Variants in ENO4 observed in about 807,000 individuals in gnomAD.
The protein encoded by ENO4 is 2-phospho-D-glycerate hydro-lyase.
ENO4 carries 53 observed loss-of-function variants against 63.2 expected under a neutral mutation model. That is an observed-to-expected ratio of 0.84 (90% CI 0.67 to 1.05). The LOEUF (loss-of-function observed/expected upper bound fraction) is 1.05, where lower values mean the gene tolerates loss of function less well. Among genes scored for constraint, ENO4 ranks in the 50% least tolerant of loss-of-function variants. The pLI, the probability that ENO4 is intolerant of heterozygous loss-of-function variation, is 0.00. For synonymous variants in ENO4, 266 were observed against 283.8 expected, an observed-to-expected ratio of 0.94 and a Z score of 0.63; for missense variants, 719 against 772.0, an observed-to-expected ratio of 0.93 and a Z score of 0.81.
At chr10:116,886,131 G>T, downstream of ENO4, 1 of 626,558 alleles carries the variant, frequency 1.6e-6, no homozygotes. Context: ...TCTTTATAAA[G>T]ATCAAAAAAC....
chr10:116,875,561 T>TCACACACA (rs56000218), intron 10 of ENO4, among the ~76,000 whole-genome samples: 3,671 of 147,916 alleles, frequency 0.025, 127 homozygotes, highest in African/African-American at 0.077. Flanking sequence ...TCCAGGCTGG[T>TCACACACA]CACACACACA....
intron 8 of ENO4, among the ~76,000 whole-genome samples, chr10:116,870,373 T>C (rs1436503025): frequency 6.6e-6 from 1 of 152,198 alleles, no homozygotes; most frequent in African/African-American, 2.4e-5. Context: ...GTGGAAGTCT[T>C]CAATCCTTTT....
At chr10:116,854,965 AAAAG>A (rs1350801673) in intron 1 of ENO4, among the ~76,000 whole-genome samples, 8 of 148,656 alleles carry the variant, frequency 5.4e-5, no homozygotes, top group East Asian at 3.9e-4. Flanking sequence ...AAAAAAAAAA[AAAAG>A]AAAGAAAGAA....
intron 8 of ENO4, among the ~76,000 whole-genome samples, 166 bp downstream of exon 8, chr10:116,868,872 G>T (rs1030189915): frequency 7.2e-5 from 11 of 152,204 alleles, no homozygotes; most frequent in African/African-American, 2.6e-4. Context: ...GTATCATGCT[G>T]CCCCTGCCTT....
Position 116,860,901 on chromosome 10 carries a change from G to A in ENO4, c.742G>A (p.Ala248Thr). ...IGAVSLAVAK[A>T]CAMLLNKPLY... ...GGCCGTGTCACTAGCTGTTGCCAAA[G>A]CCTGTGCCATGCTGCTTAATAAACC... is the stretch of plus-strand genomic sequence containing the variant. The change falls in exon 5 of 14, where the codon GCC (alanine) becomes ACC (threonine). Residue 248 changes from alanine to threonine, a missense_variant. Ala to Thr is a moderately conservative substitution (Grantham distance 58). Around this residue, in one of 3 missense-constraint regions of ENO4, gnomAD observed 544 missense variants for 583.6 expected, o/e 0.93. Coordinates refer to ENST00000341276, the MANE Select transcript of ENO4 (RefSeq NM_001242699.2). 6.5e-7 allele frequency: 1 copy of A among 1,549,854 alleles called. No homozygotes were observed. Among genetic ancestry groups the A allele is most frequent in the East Asian group, 2.4e-5 (1 of 40,902 alleles).
At chr10:116,870,696 C>T (rs560447674) in intron 8 of ENO4, among the ~76,000 whole-genome samples, 3 of 152,036 alleles carry the variant, frequency 2.0e-5, no homozygotes, top group Non-Finnish European at 4.4e-5. Context: ...TTAATGGCTG[C>T]GTTTATCTAG....
At chr10:116,909,728 C>A (rs1034428479) in intron 10 of ENO4, among the ~76,000 whole-genome samples, 2 of 152,104 alleles carry the variant, frequency 1.3e-5, no homozygotes, top group Non-Finnish European at 2.9e-5. Flanking sequence ...TCCCCCAAAC[C>A]AGAGACTTGT....
intron 10 of ENO4, among the ~76,000 whole-genome samples, chr10:116,897,527 G>A (rs950306815): frequency 1.3e-5 from 2 of 152,170 alleles, no homozygotes; most frequent in African/African-American, 4.8e-5. Flanking sequence ...ACTTGTCCAA[G>A]TCATCTGGCC....
intron 13 of ENO4, 84 bp from the exon 14 acceptor site, chr10:116,881,431 G>A (rs1847006240): frequency 1.8e-6 from 2 of 1,092,426 alleles, no homozygotes; most frequent in African/African-American, 1.6e-5. Context: ...GACTAGTACT[G>A]AAGATGATCT....
Position 116,849,501 on chromosome 10 carries a change from C to A in ENO4, c.-66C>A. On this transcript the variant is annotated 5_prime_UTR_variant, in exon 1 of 14. Coordinates refer to ENST00000341276, the MANE Select transcript of ENO4 (RefSeq NM_001242699.2). ...GGGGGTCGGGATCACGTTGCGTTGCCTAGCGACAGCAGGGACGCTCGTGGG... is the reference window on the plus strand; with the variant it reads ...GGGGGTCGGGATCACGTTGCGTTGCATAGCGACAGCAGGGACGCTCGTGGG... The A allele has an allele frequency of 7.0e-7, 1 of 1,433,642 alleles. No homozygotes were observed. The highest frequency in any genetic ancestry group is 9.2e-7 in the Non-Finnish European group (1 of 1,088,688). The allele number at this position is 1,433,642 out of a possible 1,614,324, so 88.8% of individuals were successfully genotyped here.
chr10:116,901,085 C>T (rs763927212), intron 10 of ENO4: 238 of 985,276 alleles, frequency 2.4e-4, no homozygotes, highest in Non-Finnish European at 2.8e-4. Flanking sequence ...TGTCTCACCT[C>T]TTCCTTTTCT....
chr10:116,892,406 T>C (rs928369946), intron 10 of ENO4, among the ~76,000 whole-genome samples: 7 of 152,186 alleles, frequency 4.6e-5, no homozygotes, highest in African/African-American at 1.7e-4. Context: ...TTAAGCTTCG[T>C]TTTTTAGCTT....
chr10:116,897,353 T>C (rs1847559431), intron 10 of ENO4, among the ~76,000 whole-genome samples: 1 of 152,214 alleles, frequency 6.6e-6, no homozygotes, highest in South Asian at 2.1e-4. Flanking sequence ...TGCCTCTTAC[T>C]CCTTTTCCTA....
chr10:116,854,529 C>T (rs145310117), intron 1 of ENO4, among the ~76,000 whole-genome samples: 2,451 of 150,230 alleles, frequency 0.016, 38 homozygotes, highest in Non-Finnish European at 0.025. Flanking sequence ...CATTGTACTC[C>T]AGCCTGGGTG....
At chr10:116,873,431 T>C (rs1227165693) in intron 9 of ENO4, among the ~76,000 whole-genome samples, 1 of 152,162 alleles carries the variant, frequency 6.6e-6, no homozygotes, top group Non-Finnish European at 1.5e-5. Context: ...CTATTCTAGA[T>C]CCTTCAGCCC....
At chr10:116,903,671 T>A (rs1847842493) in intron 10 of ENO4, among the ~76,000 whole-genome samples, 1 of 152,184 alleles carries the variant, frequency 6.6e-6, no homozygotes, top group Non-Finnish European at 1.5e-5. Context: ...AATTCAAGAT[T>A]TGCTTCTGAT....
chr10:116,900,020 C>T (rs564683271), intron 10 of ENO4, among the ~76,000 whole-genome samples: 5 of 152,278 alleles, frequency 3.3e-5, no homozygotes, highest in Admixed American at 3.3e-4. Context: ...TGAAGTGTGC[C>T]AGTCTGGGTA....
At chr10:116,866,320 AC>A (rs1327612896) in intron 7 of ENO4, among the ~76,000 whole-genome samples, 6 of 152,196 alleles carry the variant, frequency 3.9e-5, no homozygotes, top group African/African-American at 1.4e-4. Context: ...GCAGTAAAGC[AC>A]TTAGAGAAAG....
rs543974613 is a variant in ENO4 at position 116,910,101 on chromosome 10, ATCTT to A, written c.1195-1393_1195-1390del. ...AGGTCGAGCTAGGAGCTTTCTTTTTATCTTTCTTATAAGAATGTGTGTGGTTTAT... is the reference window on the plus strand; with the variant it reads ...AGGTCGAGCTAGGAGCTTTCTTTTTATCTTATAAGAATGTGTGTGGTTTAT... On this transcript the variant is annotated intron_variant, in intron 10 of 10. Coordinates refer to the ENO4 transcript ENST00000369207. Among the ~76,000 whole-genome samples the A allele has an allele frequency of 3.4e-4, 52 of 152,240 alleles. No individual in the cohort carries two copies. In the South Asian group the frequency reaches 0.01, roughly 30 times the overall value.
Sources: gnomAD v4.1 joint callset for allele counts (sites outside exome capture counted in the v4.1 genomes callset) on GRCh38, gnomAD v4.1.1 for gene constraint, gnomAD v4.1.1 regional missense constraint, MANE v1.5 for transcripts, NCBI Gene and HGNC (gene_info 2026-07-23, HGNC 2026-07-21) for gene names.